The following NRG1 variants were observed in gnomAD, a reference collection of about 807,000 sequenced individuals.
NRG1 encodes pro-neuregulin-1, membrane-bound isoform.
Under a neutral mutation model 63.8 loss-of-function variants are expected in NRG1, and 18 were observed. The ratio of observed to expected loss-of-function variants is 0.28; its 90% CI spans 0.19 to 0.42. The LOEUF (loss-of-function observed/expected upper bound fraction) is 0.42. NRG1 is among the 10% of genes least tolerant of loss of function. NRG1 has a pLI of 1.00. For synonymous variants in NRG1, 302 were observed against 301.3 expected, an observed-to-expected ratio of 1.00 and a Z score of -0.02; for missense variants, 762 against 814.7, an observed-to-expected ratio of 0.94 and a Z score of 0.79.
intron 1 of NRG1, among the ~76,000 whole-genome samples, chr8:32,033,331 T>A (rs1014565981): frequency 6.6e-6 from 1 of 152,204 alleles, no homozygotes; most frequent in African/African-American, 2.4e-5. Flanking sequence ...ACTAGTACCA[T>A]GCTGTTTTGG....
intron 1 of NRG1, among the ~76,000 whole-genome samples, chr8:32,043,623 A>G (rs891031630): frequency 1.3e-5 from 2 of 151,974 alleles, no homozygotes; most frequent in Non-Finnish European, 2.9e-5. Context: ...GTTTTTATCC[A>G]GTATGCATAT....
chr8:32,249,695 G>T (rs572901537), intron 1 of NRG1, among the ~76,000 whole-genome samples: 106 of 152,158 alleles, frequency 7.0e-4, no homozygotes, highest in African/African-American at 2.4e-3. Flanking sequence ...CTTATTCATA[G>T]TTCCTTGGAC....
chr8:31,669,398 C>T (rs1441035906), intron 1 of NRG1, among the ~76,000 whole-genome samples: 9 of 151,958 alleles, frequency 5.9e-5, no homozygotes, highest in Non-Finnish European at 8.8e-5. Context: ...CCACCATGCC[C>T]GGCTAATTTT....
chr8:32,219,061 A>G (rs2132463476), intron 1 of NRG1, among the ~76,000 whole-genome samples: 1 of 152,340 alleles, frequency 6.6e-6, no homozygotes, highest in South Asian at 2.1e-4. Flanking sequence ...TCCTGCTTAC[A>G]CAATACAGAA....
chr8:31,917,805 C>T (rs966913926), intron 1 of NRG1, among the ~76,000 whole-genome samples: 2 of 152,162 alleles, frequency 1.3e-5, no homozygotes, highest in East Asian at 1.9e-4. Context: ...GCAGTATGGC[C>T]ATTTTCATGA....
chr8:32,340,704 A>G (rs1803964564), intron 1 of NRG1, among the ~76,000 whole-genome samples: 1 of 152,196 alleles, frequency 6.6e-6, no homozygotes, highest in Non-Finnish European at 1.5e-5. Context: ...GAAAAACTCA[A>G]GAACTTTCAA....
intron 5 of NRG1, among the ~76,000 whole-genome samples, chr8:32,700,904 A>G (rs1814694530): frequency 6.6e-6 from 1 of 151,738 alleles, no homozygotes; most frequent in Non-Finnish European, 1.5e-5. Flanking sequence ...ACTGACCTGC[A>G]TTCACTTACT....
At chr8:32,451,011 CA>C (rs1820885605) in intron 1 of NRG1, among the ~76,000 whole-genome samples, 1 of 152,032 alleles carries the variant, frequency 6.6e-6, no homozygotes, top group Non-Finnish European at 1.5e-5. Context: ...GACTGAAAAA[CA>C]AAACAAAACA....
At chr8:32,242,293 G>A (rs1848179183) in intron 1 of NRG1, among the ~76,000 whole-genome samples, 1 of 152,068 alleles carries the variant, frequency 6.6e-6, no homozygotes, top group Non-Finnish European at 1.5e-5. Flanking sequence ...GACCAACGTG[G>A]TGAAACCCTG....
chr8:32,390,510 G>A (rs1811592201), intron 1 of NRG1, among the ~76,000 whole-genome samples: 1 of 150,962 alleles, frequency 6.6e-6, no homozygotes, highest in African/African-American at 2.4e-5. Context: ...GCCTGAGGTG[G>A]GAGGATTGCT....
downstream of NRG1, among the ~76,000 whole-genome samples, chr8:32,772,640 C>G (rs936228243): frequency 6.6e-6 from 1 of 152,126 alleles, no homozygotes; most frequent in African/African-American, 2.4e-5. Context: ...GAGCCCTTGT[C>G]TTGAAGTGAG....
At chr8:31,758,291 T>A (rs1217172367) in intron 1 of NRG1, among the ~76,000 whole-genome samples, 1 of 152,146 alleles carries the variant, frequency 6.6e-6, no homozygotes, top group African/African-American at 2.4e-5. Context: ...CTCCCACTTA[T>A]GAGTGAGAAT....
chr8:32,555,723 G>A (rs1240010187), intron 1 of NRG1, among the ~76,000 whole-genome samples: 2 of 152,124 alleles, frequency 1.3e-5, no homozygotes, highest in Non-Finnish European at 2.9e-5. Flanking sequence ...CGCCCGCCTT[G>A]GCCTCCCAAA....
At chr8:32,153,026 G>A (rs1301370090) in intron 1 of NRG1, among the ~76,000 whole-genome samples, 1 of 152,154 alleles carries the variant, frequency 6.6e-6, no homozygotes, top group African/African-American at 2.4e-5. Flanking sequence ...AATAGGACAG[G>A]GGATTTTTCA....
chr8:31,936,686 T>A (rs1202720996), intron 1 of NRG1, among the ~76,000 whole-genome samples: 1 of 152,246 alleles, frequency 6.6e-6, no homozygotes, highest in Admixed American at 6.5e-5. Flanking sequence ...TGAGTAATAA[T>A]GCATTTTAGG....
intron 1 of NRG1, among the ~76,000 whole-genome samples, chr8:32,288,726 C>T (rs986750612): frequency 2.6e-5 from 4 of 152,062 alleles, no homozygotes; most frequent in Non-Finnish European, 5.9e-5. Context: ...CCTTTTGCAT[C>T]GTCAGCGTGA....
intron 7 of NRG1, among the ~76,000 whole-genome samples, chr8:32,746,117 CTG>C (rs1407540972): frequency 6.6e-6 from 1 of 151,942 alleles, no homozygotes; most frequent in East Asian, 1.9e-4. Context: ...TGAGATTTTA[CTG>C]TGTGTGTGTT....
At chr8:32,473,016 T>A (rs1391150829) in intron 1 of NRG1, among the ~76,000 whole-genome samples, 1 of 152,222 alleles carries the variant, frequency 6.6e-6, no homozygotes, top group African/African-American at 2.4e-5. Context: ...GTAGGGGAAT[T>A]TAGGCTGCAC....
intron 1 of NRG1, among the ~76,000 whole-genome samples, chr8:32,401,225 G>A (rs1046633540): frequency 6.6e-6 from 1 of 151,934 alleles, no homozygotes; most frequent in Non-Finnish European, 1.5e-5. Context: ...GAAATAACCT[G>A]TACACCAAAG....
Sources: allele counts gnomAD v4.1 joint callset (sites outside exome capture counted in the v4.1 genomes callset), GRCh38; gene constraint gnomAD v4.1.1; transcripts MANE v1.5; gene names NCBI Gene and HGNC (gene_info 2026-07-23, HGNC 2026-07-21).